Variants in GDAP2 observed in about 807,000 individuals in gnomAD.
GDAP2 encodes the protein ganglioside induced differentiation associated protein 2.
Under a neutral mutation model 67.0 loss-of-function variants are expected in GDAP2, and 51 were observed. The observed-to-expected ratio is 0.76, with a 90% CI of 0.61 to 0.96. The LOEUF (loss-of-function observed/expected upper bound fraction) is 0.96, where lower values mean the gene tolerates loss of function less well. Ranked by LOEUF, GDAP2 falls within the 40% of genes least tolerant of loss-of-function variation. The probability of loss-of-function intolerance (pLI) is 0.00; values close to 1 mark genes in which losing one functional copy is unlikely to be tolerated. For missense variants in GDAP2, 547 were observed against 588.3 expected, an observed-to-expected ratio of 0.93 and a Z score of 0.73; for synonymous variants, 203 against 207.3, an observed-to-expected ratio of 0.98 and a Z score of 0.18.
rs79428733 is a variant in GDAP2, at chr1:117,898,906, A to G, written c.796+151T>C. On this transcript the variant is annotated intron_variant, in intron 7 of 13. Coordinates refer to ENST00000369443, the MANE Select transcript of GDAP2 (RefSeq NM_017686.4). The stretch of plus-strand genomic sequence containing the variant: ...TACTTTTATTTTTAATTTCAAGAAT[A>G]GAACTTGAAAACTTCTAAACTGGTC... The G allele has an allele frequency of 2.3e-3, 1,519 of 656,272 alleles. 17 individuals are homozygous for G. Among genetic ancestry groups the G allele is most frequent in the African/African-American group, 0.02 (1,105 of 55,778 alleles). 40.7% of individuals were successfully genotyped at this position (656,272 alleles called of 1,614,324 possible).
intron 11 of GDAP2, chr1:117,882,855 A>T (rs1648702007): frequency 6.6e-6 from 1 of 152,216 alleles, no homozygotes; most frequent in African/African-American, 2.4e-5. Context: ...TTGTGATGCT[A>T]CAAATAACAG....
At chr1:117,923,304 A>C (rs2101171172) in intron 1 of GDAP2, among the ~76,000 whole-genome samples, 1 of 152,376 alleles carries the variant, frequency 6.6e-6, no homozygotes, top group Middle Eastern at 3.4e-3. Flanking sequence ...CAGGCATAGG[A>C]AATCACAAGA....
chr1:117,901,999 C>T (rs1649487511), intron 6 of GDAP2, among the ~76,000 whole-genome samples: 6 of 152,188 alleles, frequency 3.9e-5, no homozygotes, highest in Admixed American at 3.3e-4. Context: ...CCTGCCTTGC[C>T]TTTCCCAAGG....
chr1:117,877,763 G>C (rs1648513820), intron 13 of GDAP2: 1 of 1,209,150 alleles, frequency 8.3e-7, no homozygotes, highest in Non-Finnish European at 1.0e-6. Flanking sequence ...ACGAAAATTG[G>C]TTCTGAACTC....
At chr1:117,908,029 CT>C in intron 5 of GDAP2, among the ~76,000 whole-genome samples, 1 of 152,142 alleles carries the variant, frequency 6.6e-6, no homozygotes, top group Non-Finnish European at 1.5e-5. Flanking sequence ...AAACATACCA[CT>C]TACTTTTATG....
At chr1:117,875,704 T>C (rs1648432752) in intron 13 of GDAP2, among the ~76,000 whole-genome samples, 1 of 152,214 alleles carries the variant, frequency 6.6e-6, no homozygotes, top group Admixed American at 6.5e-5. Context: ...GTGTGCCCAG[T>C]ATGCAGAACA....
At position 117,886,519 on chromosome 1, in the gene GDAP2, A is replaced by T. The variant is rs1648859132; in HGVS notation, c.1107+58T>A. On this transcript the variant is annotated intron_variant, in intron 10 of 13. Coordinates refer to ENST00000369443, the MANE Select transcript of GDAP2 (RefSeq NM_017686.4). ...TTGTAGGCCTTGATTCCAAATTCAT[A>T]TACTACTTATTTTTTCAATCAACAT... 3 of 919,028 alleles carry T rather than the reference A, an allele frequency of 3.3e-6. No individual in the cohort carries two copies. In the African/African-American group the frequency reaches 4.9e-5, roughly 15 times the overall value. The allele number at this position is 919,028 out of a possible 1,614,324, so 56.9% of individuals were successfully genotyped here.
At chr1:117,889,397 G>A (rs763109034) in intron 8 of GDAP2, among the ~76,000 whole-genome samples, 5 of 151,708 alleles carry the variant, frequency 3.3e-5, no homozygotes, top group African/African-American at 7.3e-5. Context: ...TACAGTCACC[G>A]TATTATATAA....
In GDAP2 at chr1:117,878,088, T is replaced by C; in HGVS notation, c.1367A>G (p.Asp456Gly). The C allele has an allele frequency of 6.2e-7, 1 of 1,613,040 alleles. No homozygotes were observed. The highest frequency in any genetic ancestry group is 8.5e-7 in the Non-Finnish European group (1 of 1,179,202). ...SGLKDKIHHV[D>G]SLHQLFSAIS... ...GGCAGAAAACAGCTGGTGGAGGCTG[T>C]CCACATGGTGGATTTTGTCCTTCAG... Residue 456 changes from aspartate (D) to glycine (G), a missense_variant, in exon 13 of 14, where the codon GAC becomes GGC. Transcript: ENST00000369443.
At chr1:117,905,037 AACC>A (rs1345025360) in intron 6 of GDAP2, among the ~76,000 whole-genome samples, 7 of 152,192 alleles carry the variant, frequency 4.6e-5, no homozygotes, top group African/African-American at 1.7e-4. Flanking sequence ...GTATTTAATC[AACC>A]ACCAACTCCA....
rs1192453620 is a variant in GDAP2 at position 117,918,638 on chromosome 1, A to G, written c.275T>C (p.Leu92Pro). 6.2e-7 allele frequency: 1 copy of G among 1,610,318 alleles called. No homozygotes were observed. The highest frequency in any genetic ancestry group is 1.1e-5 in the South Asian group (1 of 91,002). ...KNPVSESIFM[L>P]AGPDLKEDLQ... ...ATCTTCCTTCAAATCAGGCCCTGCA[A>G]GCATGAAGATACTTTCTGACACAGG... Residue 92 changes from leucine (L) to proline (P), a missense_variant, in exon 3 of 14, where the codon CTT becomes CCT. Coordinates refer to ENST00000369443, the MANE Select transcript of GDAP2 (RefSeq NM_017686.4).
At chr1:117,878,569 A>C (rs1051820720) in intron 12 of GDAP2, among the ~76,000 whole-genome samples, 1 of 152,202 alleles carries the variant, frequency 6.6e-6, no homozygotes, top group East Asian at 1.9e-4. Flanking sequence ...GAATTTTTCA[A>C]ATGAGACTGA....
chr1:117,902,457 T>C lies in GDAP2; in HGVS notation c.637-3241A>G, dbSNP rs74392563. Among the ~76,000 whole-genome samples the C allele has an allele frequency of 6.8e-3, 1,034 of 152,352 alleles. 9 individuals are homozygous for C. Among genetic ancestry groups the C allele is most frequent in the African/African-American group, 0.023 (970 of 41,574 alleles). On this transcript the variant is annotated intron_variant, in intron 6 of 13. Coordinates refer to ENST00000369443, the MANE Select transcript of GDAP2 (RefSeq NM_017686.4). ...TTAGCTCTTACATTGAGGTCCTAGATTCCTTTTGAGCTAATTTTTGTATCT... is the reference window on the plus strand; with the variant it reads ...TTAGCTCTTACATTGAGGTCCTAGACTCCTTTTGAGCTAATTTTTGTATCT...
chr1:117,893,716 A>C (rs1649164995), intron 8 of GDAP2, among the ~76,000 whole-genome samples: 1 of 152,210 alleles, frequency 6.6e-6, no homozygotes, highest in Non-Finnish European at 1.5e-5. Flanking sequence ...TAGCTTAGTT[A>C]TATCATAAAC....
intron 7 of GDAP2, among the ~76,000 whole-genome samples, chr1:117,898,323 T>G (rs769342655): frequency 1.3e-5 from 2 of 152,246 alleles, no homozygotes; most frequent in Non-Finnish European, 2.9e-5. Flanking sequence ...ATATTTCACA[T>G]TTCCTGATGT....
At chr1:117,895,125 A>T (rs530209520) in intron 8 of GDAP2, among the ~76,000 whole-genome samples, 19 of 152,274 alleles carry the variant, frequency 1.2e-4, no homozygotes, top group East Asian at 1.2e-3. Context: ...TAATAGAATT[A>T]AAAAAATTCA....
intron 13 of GDAP2, among the ~76,000 whole-genome samples, chr1:117,876,160 G>A (rs778877729): frequency 6.6e-6 from 1 of 152,202 alleles, no homozygotes; most frequent in Middle Eastern, 3.4e-3. Flanking sequence ...TTGAGTCATG[G>A]GGTGGGGCAG....
chr1:117,920,248 A>G lies in GDAP2; in HGVS notation c.110T>C (p.Phe37Ser), dbSNP rs753027401. ...LNSSDTTAEI[F>S]QEDTVRSPFL... Reference sequence around the variant, plus strand: ...AGGTGATCGAACAGTGTCTTCCTGAAATATTTCAGCTGTAGTATCAGAGGA... The same window carrying G: ...AGGTGATCGAACAGTGTCTTCCTGAGATATTTCAGCTGTAGTATCAGAGGA... Residue 37 changes from phenylalanine (F) to serine (S), a missense_variant, in exon 2 of 14, where the codon TTT (phenylalanine) becomes TCT (serine). Phe to Ser is a radical substitution (Grantham distance 155, BLOSUM62 -2). Coordinates refer to ENST00000369443, the MANE Select transcript of GDAP2 (RefSeq NM_017686.4). The G allele has an allele frequency of 3.5e-5, 57 of 1,608,782 alleles. No individual in the cohort carries two copies. Among genetic ancestry groups the G allele is most frequent in the Non-Finnish European group, 4.5e-5 (53 of 1,175,654 alleles).
Position 117,896,923 on chromosome 1 carries a change from G to A in GDAP2, c.863C>T (p.Ala288Val). Residue 288 changes from alanine (A) to valine (V), a missense_variant, in exon 8 of 14, where the codon GCT becomes GTT. Transcript: ENST00000369443. ...CTTGTCAATATCTCCTTCCATTCGA[G>A]CAAAAGCATGAGAGCCAATGAAAGA... ...DLSFIGSHAF[A>V]RMEGDIDKQR... is the part of the protein sequence containing the mutation. The A allele has an allele frequency of 1.2e-6, 2 of 1,611,228 alleles. No homozygotes were observed. The highest frequency in any genetic ancestry group is 1.1e-5 in the South Asian group (1 of 90,928).
Sources: gnomAD v4.1 joint callset for allele counts (sites outside exome capture counted in the v4.1 genomes callset) on GRCh38, gnomAD v4.1.1 for gene constraint, MANE v1.5 for transcripts, NCBI Gene and HGNC (gene_info 2026-07-23, HGNC 2026-07-21) for gene names.